The following DOCK7 variants were observed in gnomAD, a reference collection of about 807,000 sequenced individuals.
The protein encoded by DOCK7 is dedicator of cytokinesis 7.
In DOCK7, 138 loss-of-function variants were observed where a neutral mutation model predicts 271.0. The ratio of observed to expected loss-of-function variants is 0.51; its 90% CI spans 0.44 to 0.59. The LOEUF (loss-of-function observed/expected upper bound fraction) is 0.59, where lower values mean the gene tolerates loss of function less well. Among genes scored for constraint, DOCK7 ranks in the 20% least tolerant of loss-of-function variants. DOCK7 has a pLI of 0.00. For missense variants in DOCK7, 2,066 were observed against 2,592.4 expected (o/e 0.80, Z 4.41); for synonymous variants, 823 against 876.1 (o/e 0.94, Z 1.07).
At chr1:62,510,731 T>C (rs2149333557) in intron 33 of DOCK7, 58 bp from the exon 34 acceptor site, 1 of 1,293,208 alleles carries the variant, frequency 7.7e-7, no homozygotes, top group East Asian at 2.3e-5. Context: ...ACCACATATA[T>C]GTATACTTGC....
chr1:62,468,820 CA>C (rs897733061), intron 48 of DOCK7, among the ~76,000 whole-genome samples: 70 of 141,832 alleles, frequency 4.9e-4, no homozygotes, highest in Non-Finnish European at 6.5e-4. Flanking sequence ...ATAATAGTTG[CA>C]AAAAAAAAAC....
At chr1:62,665,714 C>CAAA (rs59439795) in intron 1 of DOCK7, among the ~76,000 whole-genome samples, 1 of 43,092 alleles carries the variant, frequency 2.3e-5, no homozygotes, top group Admixed American at 3.5e-4. Context: ...GACTCCATCT[C>CAAA]AAAAAAAAAA....
chr1:62,567,956 C>T (rs538201715), intron 18 of DOCK7, among the ~76,000 whole-genome samples: 1 of 152,252 alleles, frequency 6.6e-6, no homozygotes, highest in South Asian at 2.1e-4. Flanking sequence ...AATATACAAT[C>T]TTCTCAGTGT....
chr1:62,531,443 G>A (rs1379208292), intron 29 of DOCK7, among the ~76,000 whole-genome samples: 2 of 152,040 alleles, frequency 1.3e-5, no homozygotes, highest in African/African-American at 2.4e-5. Flanking sequence ...AGAGAAACAC[G>A]GACACAAACA....
intron 39 of DOCK7, chr1:62,495,095 C>T (rs2149300684): frequency 6.6e-6 from 1 of 152,454 alleles, no homozygotes; most frequent in African/African-American, 2.4e-5. Flanking sequence ...CTGAGTTTTA[C>T]ACTGAAAATA....
chr1:62,537,154 T>G (rs1231920207), intron 28 of DOCK7, among the ~76,000 whole-genome samples: 1 of 152,208 alleles, frequency 6.6e-6, no homozygotes. Flanking sequence ...AAACACATCT[T>G]GCATTTGAAA....
Position 62,539,551 on chromosome 1 carries a change from A to G in DOCK7, c.3294T>C (p.Tyr1098=). 1 of 1,604,564 alleles carries G rather than the reference A, an allele frequency of 6.2e-7. No homozygotes were observed. ...ATTCCTAACTATGCATTACCTGTTT[A>G]TAGCAGGACTTTATAAGGCTAAAAA... ...GFVFSLIKSC[Y]KQVSSKLYSL... The change falls in exon 27 of 50, where the codon TAT becomes TAC. Residue 1098 remains tyrosine, a synonymous_variant. Coordinates refer to ENST00000635253, the MANE Select transcript of DOCK7 (RefSeq NM_001367561.1).
At chr1:62,619,865 A>C in intron 13 of DOCK7, 35 bp downstream of exon 13, 12 of 1,295,334 alleles carry the variant, frequency 9.3e-6, no homozygotes, top group African/African-American at 1.5e-5. Context: ...TGATAATAAT[A>C]GTTGCAACCA....
intron 48 of DOCK7, among the ~76,000 whole-genome samples, chr1:62,463,014 T>A (rs1645576185): frequency 6.6e-6 from 1 of 151,028 alleles, no homozygotes; most frequent in Admixed American, 6.6e-5. Flanking sequence ...TAAGAACTTC[T>A]GTTTGTAGGG....
At chr1:62,587,355 G>A (rs986088587) in intron 14 of DOCK7, among the ~76,000 whole-genome samples, 7 of 148,282 alleles carry the variant, frequency 4.7e-5, no homozygotes, top group Non-Finnish European at 8.9e-5. Context: ...GAAGACTAGC[G>A]TTTAGAGCCA....
rs142181135 is a variant in DOCK7, at chr1:62,665,620, G to A, written c.39-2490C>T. Among the ~76,000 whole-genome samples, 694 of 143,898 alleles carry A rather than the reference G, an allele frequency of 4.8e-3. 40 individuals carry two copies. The East Asian group carries it at 0.13, about 26-fold the overall frequency. The allele number at this position is 143,898 out of a possible 152,430, so 94.4% of individuals were successfully genotyped here. ...CTTGGGAGGCTGAGGCAGGAGAATC[G>A]CTTGAATCCACGGAGGTTGCGGTGA... On this transcript the variant is annotated intron_variant, in intron 1 of 49. Transcript: ENST00000635253.
intron 25 of DOCK7, among the ~76,000 whole-genome samples, chr1:62,540,875 G>GACA (rs1553165747): frequency 5.3e-5 from 8 of 152,078 alleles, no homozygotes; most frequent in Admixed American, 3.3e-4. Flanking sequence ...TACCTTACAG[G>GACA]AGCAGAGATG....
At chr1:62,660,843 C>T (rs552075002) in intron 2 of DOCK7, among the ~76,000 whole-genome samples, 1 of 152,302 alleles carries the variant, frequency 6.6e-6, no homozygotes, top group Admixed American at 6.5e-5. Flanking sequence ...TGGCTCACAT[C>T]TGTAATCCCA....
chr1:62,554,429 G>A (rs1646066534), intron 21 of DOCK7, among the ~76,000 whole-genome samples: 3 of 117,520 alleles, frequency 2.6e-5, no homozygotes, highest in Admixed American at 1.3e-4. Context: ...CCAATATTGC[G>A]CCATTGCACT....
intron 48 of DOCK7, among the ~76,000 whole-genome samples, chr1:62,472,069 AG>A (rs1196520505): frequency 6.6e-6 from 1 of 151,984 alleles, no homozygotes; most frequent in East Asian, 1.9e-4. Flanking sequence ...TATATTATGT[AG>A]TTTTATTTTT....
chr1:62,518,507 G>A (rs1381412315), intron 31 of DOCK7, among the ~76,000 whole-genome samples: 1 of 151,756 alleles, frequency 6.6e-6, no homozygotes, highest in Non-Finnish European at 1.5e-5. Flanking sequence ...CCAGGAGGCA[G>A]AGCTTGCAGT....
At chr1:62,625,095 T>A (rs1653772997) in intron 12 of DOCK7, 164 bp downstream of exon 12, 1 of 520,004 alleles carries the variant, frequency 1.9e-6, no homozygotes, top group African/African-American at 1.9e-5. Context: ...ACAATATAAA[T>A]CGTTTCTCAT....
intron 4 of DOCK7, among the ~76,000 whole-genome samples, chr1:62,652,155 A>G (rs1657462088): frequency 1.3e-5 from 2 of 152,192 alleles, no homozygotes; most frequent in Admixed American, 1.3e-4. Context: ...GAGTAACTAC[A>G]TATCCAATAT....
chr1:62,634,471 AAAG>A (rs1166029399), intron 9 of DOCK7: 16 of 178,808 alleles, frequency 8.9e-5, no homozygotes, highest in Admixed American at 6.2e-5. Context: ...TTTAGGGAAA[AAAG>A]AAGAAAGTTG....
Sources: allele counts gnomAD v4.1 joint callset (sites outside exome capture counted in the v4.1 genomes callset), GRCh38; gene constraint gnomAD v4.1.1; transcripts MANE v1.5; gene names NCBI Gene and HGNC (gene_info 2026-07-23, HGNC 2026-07-21).